The following ZGPAT variants were observed in gnomAD, a reference collection of about 807,000 sequenced individuals.
ZGPAT encodes the protein zinc finger CCCH-type with G patch domain-containing protein.
In ZGPAT, 39 loss-of-function variants were observed where a neutral mutation model predicts 47.9. The observed-to-expected ratio is 0.81, with a 90% CI of 0.63 to 1.06. ZGPAT has a LOEUF of 1.06. Among genes scored for constraint, ZGPAT ranks in the 50% least tolerant of loss-of-function variants. The pLI is 0.00. For synonymous variants in ZGPAT, 348 were observed against 292.9 expected (o/e 1.19, Z -1.92); for missense variants, 717 against 681.4 (o/e 1.05, Z -0.58).
chr20:63,708,920 G>C lies in ZGPAT; in HGVS notation c.340G>C (p.Ala114Pro). ...VPKAEAGPES[A>P]AGGQEEEEGE... ...TAAAGCAGAGGCGGGGCCAGAATCT[G>C]CGGCAGGTGGGCAGGAGGAGGAAGA... The change falls in exon 2 of 7, where the codon GCG becomes CCG. Residue 114 changes from alanine to proline, a missense_variant. Physicochemically the swap from Ala to Pro is conservative, Grantham distance 27. Coordinates refer to ENST00000355969, the MANE Select transcript of ZGPAT (RefSeq NM_181485.3). 1 of 1,612,602 alleles carries C rather than the reference G, an allele frequency of 6.2e-7. No individual in the cohort carries two copies. The highest frequency in any genetic ancestry group is 8.5e-7 in the Non-Finnish European group (1 of 1,179,762).
intron 2 of ZGPAT, 148 bp from the exon 3 acceptor site, chr20:63,733,071 C>CGTGA (rs771982662): frequency 1.0e-6 from 1 of 994,664 alleles, no homozygotes; most frequent in Non-Finnish European, 1.5e-6. Context: ...TATGTGTGTG[C>CGTGA]GTGAGTGTGT....
intron 2 of ZGPAT, among the ~76,000 whole-genome samples, chr20:63,714,023 A>G (rs2091700018): frequency 6.6e-6 from 1 of 152,150 alleles, no homozygotes; most frequent in African/African-American, 2.4e-5. Flanking sequence ...CAATTAATAT[A>G]TATGTGAATA....
In ZGPAT at chr20:63,708,917, T is replaced by C; in HGVS notation, c.337T>C (p.Ser113Pro). 1 of 1,612,186 alleles carries C rather than the reference T, an allele frequency of 6.2e-7. No individual in the cohort carries two copies. Among genetic ancestry groups the C allele is most frequent in the Non-Finnish European group, 8.5e-7 (1 of 1,179,568 alleles). Residue 113 changes from serine (S) to proline (P), a missense_variant, in exon 2 of 7, where the codon TCT (serine) becomes CCT (proline). Physicochemically the swap from Ser to Pro is moderately conservative, Grantham distance 74 (BLOSUM62 -1). Transcript: ENST00000355969. Reference sequence around the variant, plus strand: ...TCCTAAAGCAGAGGCGGGGCCAGAATCTGCGGCAGGTGGGCAGGAGGAGGA... The same window carrying C: ...TCCTAAAGCAGAGGCGGGGCCAGAACCTGCGGCAGGTGGGCAGGAGGAGGA... ...TVPKAEAGPE[S>P]AAGGQEEEEG...
chr20:63,730,958 CTCTCTCTCTCTCTG>C (rs1337769976), intron 2 of ZGPAT, among the ~76,000 whole-genome samples: 93 of 99,898 alleles, frequency 9.3e-4, no homozygotes, highest in African/African-American at 3.3e-3. Context: ...CTCTCTCTCT[CTCTCTCTCTCTCTG>C]TGTGTGTGTG....
In ZGPAT at chr20:63,727,711, C is replaced by G. The variant is rs7261639; in HGVS notation, c.585-5508C>G. Among the ~76,000 whole-genome samples, 625 of 148,370 alleles carry G rather than the reference C, an allele frequency of 4.2e-3. 4 individuals carry two copies. The highest frequency in any genetic ancestry group is 0.015 in the African/African-American group (602 of 40,614). On this transcript the variant is annotated intron_variant, in intron 2 of 6. Coordinates refer to ENST00000355969, the MANE Select transcript of ZGPAT (RefSeq NM_181485.3). ...AAAAAGGATTCTCTATTTCCTGAAT[C>G]ATTGCCATCATATTTTCATTTAATT... is the stretch of plus-strand genomic sequence containing the variant.
chr20:63,719,743 A>C (rs913004447), intron 2 of ZGPAT, among the ~76,000 whole-genome samples: 2 of 143,602 alleles, frequency 1.4e-5, no homozygotes, highest in African/African-American at 5.1e-5. Flanking sequence ...TTAGTTATTA[A>C]TTTTTTTTTT....
At chr20:63,734,992 C>T (rs1178586350) in intron 5 of ZGPAT, 167 bp from the exon 6 acceptor site, 2 of 1,327,008 alleles carry the variant, frequency 1.5e-6, no homozygotes, top group Non-Finnish European at 2.0e-6. Flanking sequence ...GGCCACAGCA[C>T]TGCCATCCCC....
chr20:63,731,721 G>C (rs1601343268), intron 2 of ZGPAT, among the ~76,000 whole-genome samples: 1 of 151,082 alleles, frequency 6.6e-6, no homozygotes, highest in South Asian at 2.1e-4. Context: ...GTGTGAGATT[G>C]TGTGTGCATA....
intron 2 of ZGPAT, among the ~76,000 whole-genome samples, chr20:63,713,219 T>C (rs1372546478): frequency 2.0e-5 from 3 of 150,786 alleles, no homozygotes; most frequent in Non-Finnish European, 4.4e-5. Context: ...CACAGGTGCC[T>C]GCCACCACAC....
intron 2 of ZGPAT, among the ~76,000 whole-genome samples, chr20:63,731,856 T>G (rs1044260614): frequency 6.6e-6 from 1 of 152,266 alleles, no homozygotes; most frequent in African/African-American, 2.4e-5. Context: ...GTATAACAAC[T>G]ATTTACATAG....
At chr20:63,710,461 G>T (rs978834256) in intron 2 of ZGPAT, among the ~76,000 whole-genome samples, 11 of 152,188 alleles carry the variant, frequency 7.2e-5, no homozygotes, top group African/African-American at 2.7e-4. Context: ...CCTGTTGTTA[G>T]TTTTATTCTC....
chr20:63,734,667 C>T (rs778954072), intron 4 of ZGPAT, 38 bp from the exon 5 acceptor site: 8 of 1,609,528 alleles, frequency 5.0e-6, no homozygotes, highest in Admixed American at 1.7e-5. Flanking sequence ...ACGCCGTGGA[C>T]TCTGCACAGT....
chr20:63,720,201 G>A (rs943137334), intron 2 of ZGPAT, among the ~76,000 whole-genome samples: 36 of 151,120 alleles, frequency 2.4e-4, no homozygotes, highest in Non-Finnish European at 1.5e-4. Flanking sequence ...TATAGCCTAG[G>A]CTGGAGTGCA....
At position 63,709,029 on chromosome 20, in the gene ZGPAT, C is replaced by T. The variant is rs1200297330; in HGVS notation, c.449C>T (p.Ala150Val). The change falls in exon 2 of 7, where the codon GCC becomes GTC. Residue 150 changes from alanine to valine, a missense_variant. Coordinates refer to ENST00000355969, the MANE Select transcript of ZGPAT (RefSeq NM_181485.3). ...TGGGGCACTCTGGAGTATCACAACG[C>T]CATGGTGGTGGGAACGGAAGAGGCG... ...SSWGTLEYHN[A>V]MVVGTEEAED... 6.2e-7 allele frequency: 1 copy of T among 1,613,700 alleles called. No individual in the cohort carries two copies. Among genetic ancestry groups the T allele is most frequent in the Admixed American group, 1.7e-5 (1 of 60,024 alleles).
intron 2 of ZGPAT, among the ~76,000 whole-genome samples, chr20:63,713,772 G>A (rs2091696198): frequency 6.6e-6 from 1 of 151,378 alleles, no homozygotes; most frequent in Non-Finnish European, 1.5e-5. Context: ...TCAGGAGGCT[G>A]AGGCAAGAGA....
At chr20:63,727,355 T>G (rs950442946) in intron 2 of ZGPAT, among the ~76,000 whole-genome samples, 7 of 151,874 alleles carry the variant, frequency 4.6e-5, no homozygotes, top group Non-Finnish European at 1.0e-4. Flanking sequence ...AGTTCTCCTG[T>G]TTTAGCCTCC....
intron 2 of ZGPAT, 50 bp downstream of exon 2, chr20:63,709,214 C>T (rs747150060): frequency 1.3e-6 from 2 of 1,590,102 alleles, no homozygotes; most frequent in South Asian, 2.2e-5. Flanking sequence ...AAGGGGCACG[C>T]ACACAGGGTC....
At chr20:63,732,859 T>C (rs1378773499) in intron 2 of ZGPAT, among the ~76,000 whole-genome samples, 1 of 152,054 alleles carries the variant, frequency 6.6e-6, no homozygotes, top group Non-Finnish European at 1.5e-5. Context: ...TGTGTACATG[T>C]GTATATGCGC....
At chr20:63,713,345 C>G (rs1045362619) in intron 2 of ZGPAT, among the ~76,000 whole-genome samples, 1 of 151,778 alleles carries the variant, frequency 6.6e-6, no homozygotes, top group African/African-American at 2.4e-5. Context: ...ATTCTTCTGC[C>G]TCAGCCTCCT....
Sources: gnomAD v4.1 joint callset for allele counts (sites outside exome capture counted in the v4.1 genomes callset) on GRCh38, gnomAD v4.1.1 for gene constraint, MANE v1.5 for transcripts, NCBI Gene and HGNC (gene_info 2026-07-23, HGNC 2026-07-21) for gene names.